Variants in SLC24A2 observed in about 807,000 individuals in gnomAD.
The protein encoded by SLC24A2 is sodium/potassium/calcium exchanger 2.
A neutral mutation model predicts 62.0 loss-of-function variants in SLC24A2; 36 were observed. The observed-to-expected ratio is 0.58, with a 90% confidence interval of 0.44 to 0.77. SLC24A2 has a LOEUF of 0.77. Ranked by LOEUF, SLC24A2 falls within the 30% of genes least tolerant of loss-of-function variation. The pLI is 0.00. For missense variants in SLC24A2, 846 were observed against 817.9 expected (o/e 1.03, Z -0.42); for synonymous variants, 358 against 294.0 (o/e 1.22, Z -2.23).
the SLC24A2 span, among the ~76,000 whole-genome samples, chr9:20,297,444 A>G: frequency 1.3e-5 from 2 of 152,200 alleles, no homozygotes; most frequent in African/African-American, 4.8e-5. Flanking sequence ...AACCAGGGGA[A>G]GGTGGGATGG....
the SLC24A2 span, among the ~76,000 whole-genome samples, chr9:20,243,136 G>A: frequency 1.3e-5 from 2 of 152,054 alleles, no homozygotes; most frequent in African/African-American, 4.8e-5. Flanking sequence ...CCCATATTGT[G>A]GGTGTTTTTA....
intron 4 of SLC24A2, among the ~76,000 whole-genome samples, chr9:19,605,407 T>C (rs1836956843): frequency 6.6e-6 from 1 of 152,190 alleles, no homozygotes; most frequent in African/African-American, 2.4e-5. Flanking sequence ...TTAAGTATCA[T>C]GTGACATGAT....
At chr9:19,820,072 T>A in the SLC24A2 span, among the ~76,000 whole-genome samples, 1 of 124,614 alleles carries the variant, frequency 8.0e-6, no homozygotes, top group Non-Finnish European at 1.7e-5. Flanking sequence ...TATATATATA[T>A]ATATATATAT....
chr9:19,693,717 T>C (rs7871081), intron 2 of SLC24A2, among the ~76,000 whole-genome samples: 8,753 of 152,158 alleles, frequency 0.058, 836 homozygotes, highest in African/African-American at 0.2. Context: ...ATGCTTCTCA[T>C]GTACAGAAGA....
chr9:20,114,066 A>G, the SLC24A2 span, among the ~76,000 whole-genome samples: 5 of 152,152 alleles, frequency 3.3e-5, no homozygotes, highest in African/African-American at 1.2e-4. Flanking sequence ...CCTGGTTTGA[A>G]GAGACAGGCT....
the SLC24A2 span, among the ~76,000 whole-genome samples, chr9:20,006,591 C>T: frequency 0.34 from 51,313 of 151,684 alleles, 9,054 homozygotes; most frequent in East Asian, 0.52. Flanking sequence ...CATAAATATA[C>T]AAAACTACTA....
intron 9 of SLC24A2, among the ~76,000 whole-genome samples, chr9:19,522,252 C>T (rs1833239884): frequency 6.6e-6 from 1 of 152,090 alleles, no homozygotes; most frequent in Non-Finnish European, 1.5e-5. Context: ...CCTGCCTTGG[C>T]CTCCCAAAGT....
chr9:19,952,170 T>A, the SLC24A2 span, among the ~76,000 whole-genome samples: 3 of 152,128 alleles, frequency 2.0e-5, no homozygotes, highest in African/African-American at 7.2e-5. Flanking sequence ...ATATTGATGT[T>A]GTATCCTGTA....
intron 8 of SLC24A2, among the ~76,000 whole-genome samples, chr9:19,542,267 C>T (rs113041416): frequency 1.3e-5 from 2 of 152,192 alleles, no homozygotes; most frequent in African/African-American, 4.8e-5. Flanking sequence ...TATATGAATG[C>T]TTGTGATTTT....
the SLC24A2 span, among the ~76,000 whole-genome samples, chr9:20,263,326 A>G: frequency 6.6e-6 from 1 of 152,102 alleles, no homozygotes; most frequent in East Asian, 1.9e-4. Context: ...GATTATGGCT[A>G]CTGTAGCCTT....
At chr9:20,143,071 A>C in the SLC24A2 span, among the ~76,000 whole-genome samples, 2 of 152,220 alleles carry the variant, frequency 1.3e-5, no homozygotes, top group African/African-American at 4.8e-5. Flanking sequence ...GAAGTGACAG[A>C]GTCTGCATTC....
intron 4 of SLC24A2, among the ~76,000 whole-genome samples, chr9:19,616,284 T>C (rs781613341): frequency 2.0e-5 from 3 of 152,222 alleles, no homozygotes; most frequent in Non-Finnish European, 4.4e-5. Flanking sequence ...GCTGTGTATT[T>C]AACGCTTTGT....
chr9:19,843,659 C>A, the SLC24A2 span, among the ~76,000 whole-genome samples: 1 of 152,084 alleles, frequency 6.6e-6, no homozygotes, highest in African/African-American at 2.4e-5. Context: ...TTTGCTTTTT[C>A]AACCCTTGTC....
the SLC24A2 span, among the ~76,000 whole-genome samples, chr9:19,881,935 T>C: frequency 6.6e-6 from 1 of 152,244 alleles, no homozygotes; most frequent in Non-Finnish European, 1.5e-5. Flanking sequence ...CTGCATGTTA[T>C]TAATTTTTTT....
the SLC24A2 span, among the ~76,000 whole-genome samples, chr9:20,021,109 A>AGAT: frequency 2.6e-4 from 39 of 152,318 alleles, no homozygotes; most frequent in Non-Finnish European, 2.9e-5. Flanking sequence ...CCAAATATAA[A>AGAT]GATTAGTAAA....
chr9:19,839,049 A>AAACAAAC, the SLC24A2 span, among the ~76,000 whole-genome samples: 1 of 152,232 alleles, frequency 6.6e-6, no homozygotes, highest in Non-Finnish European at 1.5e-5. Context: ...TACAAGAAAA[A>AAACAAAC]AACAAACAAC....
chr9:19,983,327 G>T, the SLC24A2 span, among the ~76,000 whole-genome samples: 1 of 152,110 alleles, frequency 6.6e-6, no homozygotes, highest in African/African-American at 2.4e-5. Context: ...CAGCTAAGTT[G>T]CAGGATAAAA....
the SLC24A2 span, among the ~76,000 whole-genome samples, chr9:19,948,969 C>T: frequency 2.6e-5 from 4 of 151,826 alleles, no homozygotes; most frequent in Non-Finnish European, 4.4e-5. Context: ...AAAATTGGCT[C>T]CCCACCTTCC....
chr9:20,268,084 G>A, the SLC24A2 span, among the ~76,000 whole-genome samples: 1 of 152,186 alleles, frequency 6.6e-6, no homozygotes, highest in Non-Finnish European at 1.5e-5. Flanking sequence ...GAAATGAGTA[G>A]CCTGAGGTGC....
Sources: allele counts gnomAD v4.1 joint callset (sites outside exome capture counted in the v4.1 genomes callset), GRCh38; gene constraint gnomAD v4.1.1; transcripts MANE v1.5; gene names NCBI Gene and HGNC (gene_info 2026-07-23, HGNC 2026-07-21).